SPATA13: variants seen among roughly 807,000 people sequenced by gnomAD.
SPATA13 encodes the protein spermatogenesis associated 13.
SPATA13 carries 50 observed loss-of-function variants against 104.0 expected under a neutral mutation model. The ratio of observed to expected loss-of-function variants is 0.48; its 90% CI spans 0.38 to 0.61. SPATA13 has a LOEUF of 0.61. SPATA13 is among the 20% of genes least tolerant of loss of function. The pLI is 0.00. For synonymous variants in SPATA13, 606 were observed against 667.5 expected, an observed-to-expected ratio of 0.91 and a Z score of 1.42; for missense variants, 1,524 against 1,690.6, an observed-to-expected ratio of 0.90 and a Z score of 1.73.
In SPATA13 at chr13:24,011,860, G is replaced by A. The variant is rs910424424; in HGVS notation, c.-146-5807G>A. ...CCCACCTGCACAGGCAAACTTGGGG[G>A]ACCATGAGGGATGATCCCACAGACC... is the stretch of plus-strand genomic sequence containing the variant. On this transcript the variant is annotated intron_variant, in intron 2 of 14. Transcript: ENST00000424834. This position sits in a 1 kb window ranked among gnomAD's most constrained non-coding sequence, Gnocchi z 4.3. Among the ~76,000 whole-genome samples, 3 of 152,166 alleles carry A rather than the reference G, an allele frequency of 2.0e-5. No individual in the cohort carries two copies. The South Asian group carries it at 6.2e-4, about 31-fold the overall frequency.
At chr13:24,102,271 G>A (rs748862702) in intron 3 of SPATA13, among the ~76,000 whole-genome samples, 6 of 152,080 alleles carry the variant, frequency 3.9e-5, no homozygotes, top group East Asian at 1.9e-4. Context: ...GTCTACTTGC[G>A]TATCTTCTTT....
At chr13:24,068,802 G>A (rs1196841746) in intron 3 of SPATA13, among the ~76,000 whole-genome samples, 4 of 152,192 alleles carry the variant, frequency 2.6e-5, no homozygotes, top group South Asian at 2.1e-4. Context: ...TTTGTTGGCC[G>A]CATGTATGTC....
chr13:24,091,277 C>T (rs1159745835), intron 3 of SPATA13, among the ~76,000 whole-genome samples: 3 of 152,200 alleles, frequency 2.0e-5, no homozygotes, highest in Non-Finnish European at 4.4e-5. Flanking sequence ...ATGGGTGTGG[C>T]CTTCCTGGTT....
At chr13:24,069,634 C>G (rs1879090149) in intron 3 of SPATA13, among the ~76,000 whole-genome samples, 1 of 152,120 alleles carries the variant, frequency 6.6e-6, no homozygotes, top group Non-Finnish European at 1.5e-5. Context: ...ATTGCCCTGG[C>G]CAGGACTTAA....
chr13:24,015,114 G>C (rs1199450600), intron 2 of SPATA13, among the ~76,000 whole-genome samples: 2 of 151,986 alleles, frequency 1.3e-5, no homozygotes, highest in Non-Finnish European at 2.9e-5. Flanking sequence ...GGATGGTCTT[G>C]ATTTCCTGAC....
intron 1 of SPATA13, among the ~76,000 whole-genome samples, chr13:24,212,296 G>A (rs1346379007): frequency 9.6e-4 from 129 of 134,138 alleles, no homozygotes; most frequent in African/African-American, 1.3e-3. Flanking sequence ...CCCTGTTTAA[G>A]AAAAAAAAAA....
chr13:23,981,000 G>A (rs1442035710), intron 1 of SPATA13, among the ~76,000 whole-genome samples: 1 of 152,102 alleles, frequency 6.6e-6, no homozygotes, highest in Non-Finnish European at 1.5e-5. Flanking sequence ...ACCAGATTTG[G>A]ATCCACGAAA....
chr13:24,124,868 A>AT (rs1202546281), intron 3 of SPATA13, among the ~76,000 whole-genome samples: 1 of 152,016 alleles, frequency 6.6e-6, no homozygotes, highest in Non-Finnish European at 1.5e-5. Flanking sequence ...ATATTGTCAG[A>AT]TTTTTTGTCT....
In SPATA13 at chr13:24,023,073, A is replaced by G. The variant is rs145568859; in HGVS notation, c.-112+5372A>G. Among the ~76,000 whole-genome samples, 568 of 152,146 alleles carry G rather than the reference A, an allele frequency of 3.7e-3. 12 individuals are homozygous for G. The highest frequency in any genetic ancestry group is 0.032 in the Admixed American group (491 of 15,284). Reference sequence around the variant, plus strand: ...TCATTTACATTAGGTATTTCTCCCAATGCTATCCCTCCCCTCACCTCCCAC... The same window carrying G: ...TCATTTACATTAGGTATTTCTCCCAGTGCTATCCCTCCCCTCACCTCCCAC... On this transcript the variant is annotated intron_variant, in intron 3 of 14. Coordinates refer to the SPATA13 transcript ENST00000424834.
chr13:24,233,107 C>T (rs1872375959), intron 2 of SPATA13, among the ~76,000 whole-genome samples: 1 of 152,126 alleles, frequency 6.6e-6, no homozygotes, highest in African/African-American at 2.4e-5. Context: ...ATTCAGCCGC[C>T]TATGGTTTTT....
intron 4 of SPATA13, among the ~76,000 whole-genome samples, chr13:24,254,139 A>T (rs1873658752): frequency 6.6e-6 from 1 of 152,002 alleles, no homozygotes; most frequent in Admixed American, 6.6e-5. Context: ...GTGGGTGCTC[A>T]TTTTCCCAGT....
chr13:24,245,592 T>TC (rs1413106431), intron 2 of SPATA13, among the ~76,000 whole-genome samples: 2 of 145,346 alleles, frequency 1.4e-5, no homozygotes, highest in African/African-American at 5.1e-5. Context: ...TTCTTTTTTT[T>TC]TTTTTTTTTT....
chr13:23,983,235 G>C (rs1874984323), intron 1 of SPATA13, among the ~76,000 whole-genome samples: 1 of 151,924 alleles, frequency 6.6e-6, no homozygotes, highest in African/African-American at 2.4e-5. Flanking sequence ...TGCAGGGATG[G>C]TTTTTTCTGA....
At chr13:24,189,881 A>T (rs958961043) in intron 1 of SPATA13, among the ~76,000 whole-genome samples, 5 of 31,208 alleles carry the variant, frequency 1.6e-4, no homozygotes, top group Admixed American at 6.9e-4. Flanking sequence ...ATAATTATAT[A>T]TCATAATATA....
At chr13:24,235,242 T>C (rs1566165503) in intron 2 of SPATA13, among the ~76,000 whole-genome samples, 1 of 152,170 alleles carries the variant, frequency 6.6e-6, no homozygotes, top group Non-Finnish European at 1.5e-5. Flanking sequence ...AGCTACTGAA[T>C]TAGAGTCCCT....
intron 3 of SPATA13, among the ~76,000 whole-genome samples, chr13:24,043,153 C>T (rs9511014): frequency 2.0e-5 from 3 of 151,572 alleles, no homozygotes; most frequent in South Asian, 2.1e-4. Flanking sequence ...CGGGTGGCCT[C>T]GGTGTTCTCC....
chr13:24,297,277 G>T, intron 10 of SPATA13, 86 bp from the exon 11 acceptor site: 1 of 1,487,196 alleles, frequency 6.7e-7, no homozygotes, highest in East Asian at 2.3e-5. Flanking sequence ...TGGCCTCAAC[G>T]ATCCTCCCAC....
chr13:24,108,446 C>T (rs951558659), intron 3 of SPATA13, among the ~76,000 whole-genome samples: 4 of 152,126 alleles, frequency 2.6e-5, no homozygotes, highest in East Asian at 3.9e-4. Flanking sequence ...ACTGTGGGTG[C>T]GTGGGCTTTG....
intron 3 of SPATA13, among the ~76,000 whole-genome samples, chr13:24,113,373 C>T (rs1298396441): frequency 3.9e-5 from 6 of 151,998 alleles, no homozygotes; most frequent in African/African-American, 1.4e-4. Flanking sequence ...GAGGCCAAGG[C>T]GGGTGGATCA....
Sources: gnomAD v4.1 joint callset for allele counts (sites outside exome capture counted in the v4.1 genomes callset) on GRCh38, gnomAD v4.1.1 for gene constraint, Gnocchi (gnomAD v3.1) non-coding constraint, MANE v1.5 for transcripts, NCBI Gene and HGNC (gene_info 2026-07-23, HGNC 2026-07-21) for gene names.